Variants in SLC9A9 observed in about 807,000 individuals in gnomAD.
SLC9A9 encodes sodium/hydrogen exchanger 9.
Under a neutral mutation model 77.8 loss-of-function variants are expected in SLC9A9, and 62 were observed. That is an observed-to-expected ratio of 0.80 (90% confidence interval 0.65 to 0.98). The LOEUF (loss-of-function observed/expected upper bound fraction) is 0.98. Ranked by LOEUF, SLC9A9 falls within the 50% of genes least tolerant of loss-of-function variation. The pLI, the probability that SLC9A9 is intolerant of heterozygous loss-of-function variation, is 0.00. For missense variants in SLC9A9, 775 were observed against 774.9 expected, an observed-to-expected ratio of 1.00 and a Z score of 0.00; for synonymous variants, 320 against 283.5, an observed-to-expected ratio of 1.13 and a Z score of -1.29.
chr3:143,276,966 T>C (rs149076856), intron 14 of SLC9A9, among the ~76,000 whole-genome samples: 8 of 152,354 alleles, frequency 5.3e-5, no homozygotes, highest in African/African-American at 1.7e-4. Flanking sequence ...TAAAGTGGTA[T>C]GCTTAGTATC....
At chr3:143,441,629 A>T (rs2034736754) in intron 12 of SLC9A9, among the ~76,000 whole-genome samples, 1 of 151,706 alleles carries the variant, frequency 6.6e-6, no homozygotes, top group Non-Finnish European at 1.5e-5. Flanking sequence ...TTTTTTCCAG[A>T]AGAAAAAAAC....
chr3:143,829,171 T>A (rs964038947), intron 2 of SLC9A9, among the ~76,000 whole-genome samples: 6 of 152,160 alleles, frequency 3.9e-5, no homozygotes, highest in Non-Finnish European at 8.8e-5. Flanking sequence ...CTAAATTAGG[T>A]GATACGTATA....
intron 14 of SLC9A9, among the ~76,000 whole-genome samples, chr3:143,289,377 T>C (rs959353130): frequency 6.6e-6 from 1 of 152,184 alleles, no homozygotes; most frequent in African/African-American, 2.4e-5. Flanking sequence ...TAAATGTCCC[T>C]TTGTCTTTAC....
intron 14 of SLC9A9, among the ~76,000 whole-genome samples, chr3:143,340,573 T>C (rs1246143481): frequency 2.0e-5 from 3 of 152,186 alleles, no homozygotes; most frequent in Non-Finnish European, 4.4e-5. Flanking sequence ...AAGAGACTCT[T>C]AGAGAGGTTT....
chr3:143,426,507 G>A (rs1188706333), intron 12 of SLC9A9, among the ~76,000 whole-genome samples: 1 of 152,136 alleles, frequency 6.6e-6, no homozygotes, highest in South Asian at 2.1e-4. Flanking sequence ...GGAAAATGTA[G>A]TAGCAATTTT....
chr3:143,362,165 AC>A (rs2032771769), intron 14 of SLC9A9, among the ~76,000 whole-genome samples: 1 of 152,146 alleles, frequency 6.6e-6, no homozygotes, highest in Admixed American at 6.5e-5. Context: ...AGATACCAGA[AC>A]CTTTAAGAAA....
chr3:143,796,968 T>C, intron 2 of SLC9A9, 65 bp from the exon 3 acceptor site: 1 of 1,312,344 alleles, frequency 7.6e-7, no homozygotes, highest in Non-Finnish European at 1.1e-6. Context: ...AAAACATGTT[T>C]CAAAAAACAG....
chr3:143,331,642 T>C (rs974709691), intron 14 of SLC9A9, among the ~76,000 whole-genome samples: 3 of 152,202 alleles, frequency 2.0e-5, no homozygotes, highest in East Asian at 1.9e-4. Flanking sequence ...CCTGAACTCC[T>C]ACTATGCGTT....
intron 12 of SLC9A9, among the ~76,000 whole-genome samples, chr3:143,384,335 T>TG (rs982933952): frequency 2.0e-5 from 3 of 152,056 alleles, no homozygotes; most frequent in African/African-American, 7.2e-5. Flanking sequence ...CTCCAGCAGG[T>TG]GCTGGCTGTT....
intron 13 of SLC9A9, among the ~76,000 whole-genome samples, chr3:143,379,284 T>C (rs2033247484): frequency 6.6e-6 from 1 of 152,190 alleles, no homozygotes; most frequent in Admixed American, 6.5e-5. Flanking sequence ...GAGATGTTGA[T>C]AATAAGACAG....
chr3:143,449,968 A>AT (rs1344630648), intron 12 of SLC9A9, among the ~76,000 whole-genome samples: 1 of 56,716 alleles, frequency 1.8e-5, no homozygotes, highest in Non-Finnish European at 2.7e-5. Flanking sequence ...TATAATATAT[A>AT]TAATATATAT....
chr3:143,783,297 T>C (rs534364044), intron 4 of SLC9A9, among the ~76,000 whole-genome samples: 39 of 152,218 alleles, frequency 2.6e-4, no homozygotes, highest in Non-Finnish European at 5.0e-4. Context: ...TCTGGCCTCC[T>C]GGAACAACAG....
chr3:143,733,167 A>G (rs1181085341), intron 4 of SLC9A9, among the ~76,000 whole-genome samples: 1 of 152,008 alleles, frequency 6.6e-6, no homozygotes, highest in Non-Finnish European at 1.5e-5. Context: ...TTAGAGAGAA[A>G]ATGGCTTTTG....
intron 12 of SLC9A9, among the ~76,000 whole-genome samples, chr3:143,427,133 T>C (rs1485059950): frequency 6.6e-6 from 1 of 152,238 alleles, no homozygotes; most frequent in Non-Finnish European, 1.5e-5. Context: ...ATGGGATTAC[T>C]GAGGAATGTT....
rs192329861 is a variant in SLC9A9, at chr3:143,824,311, C to A, written c.378+7708G>T. Among the ~76,000 whole-genome samples the A allele has an allele frequency of 1.6e-3, 239 of 151,716 alleles. 1 individual carries two copies. The South Asian group carries it at 0.021, about 14-fold the overall frequency. On this transcript the variant is annotated intron_variant, in intron 2 of 15. Coordinates refer to ENST00000316549, the MANE Select transcript of SLC9A9 (RefSeq NM_173653.4). ...TGGCAGGAAAAAAAAACCAAAAAACCAAAAACAAAAAACTGCCTTCCAGAA... is the reference window on the plus strand; with the variant it reads ...TGGCAGGAAAAAAAAACCAAAAAACAAAAAACAAAAAACTGCCTTCCAGAA...
At chr3:143,834,894 A>C (rs2009530747) in intron 1 of SLC9A9, among the ~76,000 whole-genome samples, 1 of 151,658 alleles carries the variant, frequency 6.6e-6, no homozygotes, top group Non-Finnish European at 1.5e-5. Context: ...TGTACCTCCC[A>C]CTCTGAGGAG....
intron 5 of SLC9A9, among the ~76,000 whole-genome samples, chr3:143,678,032 T>A (rs912663036): frequency 6.6e-6 from 1 of 152,140 alleles, no homozygotes; most frequent in East Asian, 1.9e-4. Flanking sequence ...TTCACCGTGT[T>A]AGCCAGGATG....
Position 143,848,142 on chromosome 3 carries a change from A to C in SLC9A9, c.175+6T>G, listed in dbSNP as rs752298518. On this transcript the variant is annotated splice_donor_region_variant and intron_variant, in intron 1 of 15. Transcript: ENST00000316549. ...TTCACATCAATCTCACAATTTATGC[A>C]CTCACCATACACCATTGCTCCTCCA... 6.2e-7 allele frequency: 1 copy of C among 1,612,370 alleles called. No individual in the cohort carries two copies. Among genetic ancestry groups the C allele is most frequent in the South Asian group, 1.1e-5 (1 of 91,044 alleles).
chr3:143,603,207 A>G (rs1264564069), intron 6 of SLC9A9, among the ~76,000 whole-genome samples: 1 of 152,244 alleles, frequency 6.6e-6, no homozygotes, highest in Admixed American at 6.5e-5. Context: ...AATGGTCTTC[A>G]TCCAATACTT....
Sources: allele counts gnomAD v4.1 joint callset (sites outside exome capture counted in the v4.1 genomes callset), GRCh38; gene constraint gnomAD v4.1.1; transcripts MANE v1.5; gene names NCBI Gene and HGNC (gene_info 2026-07-23, HGNC 2026-07-21).